The following GALR1 variants were observed in gnomAD, a reference collection of about 807,000 sequenced individuals.
GALR1 encodes the protein galanin receptor 1, also known as galanin receptor type 1.
In GALR1, 11 loss-of-function variants were observed where a neutral mutation model predicts 17.9. That is an observed-to-expected ratio of 0.62 (90% CI 0.39 to 1.02). The LOEUF is 1.02. GALR1 is among the 50% of genes least tolerant of loss of function. The pLI is 0.01. For missense variants in GALR1, 441 were observed against 456.9 expected, an observed-to-expected ratio of 0.97 and a Z score of 0.32; for synonymous variants, 206 against 205.7, an observed-to-expected ratio of 1.00 and a Z score of -0.01.
intron 2 of GALR1, among the ~76,000 whole-genome samples, chr18:77,262,584 G>A (rs994345728): frequency 6.6e-5 from 10 of 152,184 alleles, no homozygotes; most frequent in African/African-American, 2.2e-4. Context: ...GGTGCCCAGG[G>A]CCTGTTTGCA....
In GALR1 at chr18:77,268,542, GCCT is replaced by G. The variant is rs71876994; in HGVS notation, c.733-17_733-15del. 6.1e-3 allele frequency: 8,041 copies of G among 1,310,712 alleles called. 37 individuals carry two copies. The highest frequency in any genetic ancestry group is 0.027 in the African/African-American group (1,801 of 66,838). The allele number at this position is 1,310,712 out of a possible 1,614,324, so 81.2% of individuals were successfully genotyped here. A position where few individuals can be genotyped will look rare whatever the true frequency, so the allele number is the denominator to read the frequency against. ...TCCTTCCTTCTTCTTCTCCCTTACC[GCCT>G]CCTCCTCCTCCTCCTCCTCCTCCTC... is the stretch of plus-strand genomic sequence containing the variant. On this transcript the variant is annotated intron_variant, in intron 2 of 2. Coordinates refer to ENST00000299727, the MANE Select transcript of GALR1 (RefSeq NM_001480.4).
chr18:77,252,698 A>G (rs1912445776), intron 1 of GALR1, among the ~76,000 whole-genome samples: 1 of 151,944 alleles, frequency 6.6e-6, no homozygotes, highest in South Asian at 2.1e-4. Context: ...AAATACAAAT[A>G]TTAGCTGGGT....
At chr18:77,260,769 C>T (rs1191020124) in intron 2 of GALR1, among the ~76,000 whole-genome samples, 1 of 152,150 alleles carries the variant, frequency 6.6e-6, no homozygotes, top group African/African-American at 2.4e-5. Flanking sequence ...TTAAACTCTG[C>T]TAGACATAAA....
In GALR1 at chr18:77,251,078, TC is replaced by T. The variant is rs1248626014; in HGVS notation, c.532del (p.His178ThrfsTer54). 6.2e-7 allele frequency: 1 copy of T among 1,610,214 alleles called. No homozygotes were observed. The highest frequency in any genetic ancestry group is 2.2e-5 in the East Asian group (1 of 44,844). ...ASPVAYHQGL[F>X]HPRASNQTFC... The stretch of plus-strand genomic sequence containing the variant: ...CCCGTGGCCTACCACCAGGGCCTCT[TC>T]CACCCGCGCGCCAGCAACCAGACCT... On this transcript the variant is annotated frameshift_variant, in exon 1 of 3. Coordinates refer to ENST00000299727, the MANE Select transcript of GALR1 (RefSeq NM_001480.4). LOFTEE classifies it high-confidence loss of function.
intron 1 of GALR1, among the ~76,000 whole-genome samples, chr18:77,255,059 T>C (rs552737567): frequency 6.6e-6 from 1 of 152,338 alleles, no homozygotes; most frequent in East Asian, 1.9e-4. Flanking sequence ...TGCAATAAGT[T>C]CAATTCGATT....
intron 1 of GALR1, among the ~76,000 whole-genome samples, chr18:77,252,795 C>T (rs1175493212): frequency 1.3e-5 from 2 of 151,464 alleles, no homozygotes; most frequent in South Asian, 4.2e-4. Flanking sequence ...GTGCAGTGAG[C>T]CGAAATCGTG....
At position 77,271,262 on chromosome 18, in the gene GALR1, C is replaced by A. The variant is rs903322251; in HGVS notation, c.*2360C>A. On this transcript the variant is annotated 3_prime_UTR_variant, in exon 3 of 3. Transcript: ENST00000299727. ...GCGCTTGAAACCCCCCCCCCCCCGC[C>A]ACTTTGCTAAATGTAAATGCTAATT... The A allele has an allele frequency of 1.4e-5, 2 of 139,408 alleles. No homozygotes were observed. Among genetic ancestry groups the A allele is most frequent in the South Asian group, 2.5e-4 (1 of 4,014 alleles). 8.6% of individuals were successfully genotyped at this position (139,408 alleles called of 1,614,324 possible). A position where few individuals can be genotyped will look rare whatever the true frequency, so the allele number is the denominator to read the frequency against.
intron 2 of GALR1, among the ~76,000 whole-genome samples, chr18:77,260,758 C>T (rs1201928057): frequency 6.6e-6 from 1 of 152,212 alleles, no homozygotes; most frequent in Non-Finnish European, 1.5e-5. Context: ...ACATGCTTTT[C>T]TTAAACTCTG....
intron 2 of GALR1, among the ~76,000 whole-genome samples, chr18:77,259,355 TG>T (rs1323379412): frequency 1.5e-5 from 2 of 129,934 alleles, no homozygotes; most frequent in African/African-American, 6.2e-5. Flanking sequence ...TGGTGGTGGA[TG>T]GTGGTGGTGG....
intron 2 of GALR1, among the ~76,000 whole-genome samples, chr18:77,264,162 A>C (rs894955923): frequency 1.3e-3 from 180 of 139,720 alleles, no homozygotes; most frequent in Non-Finnish European, 2.1e-3. Context: ...AAAAAAAAAA[A>C]AAGAATCCTT....
intron 2 of GALR1, among the ~76,000 whole-genome samples, chr18:77,263,064 T>C (rs1346486380): frequency 6.6e-6 from 1 of 152,214 alleles, no homozygotes; most frequent in Non-Finnish European, 1.5e-5. Context: ...TTGTACTTAG[T>C]AAAATTGTCT....
At chr18:77,253,256 A>G (rs1912513214) in intron 1 of GALR1, among the ~76,000 whole-genome samples, 1 of 152,136 alleles carries the variant, frequency 6.6e-6, no homozygotes, top group Non-Finnish European at 1.5e-5. Flanking sequence ...GTATTTTATT[A>G]TTTAAGGAAA....
intron 1 of GALR1, among the ~76,000 whole-genome samples, chr18:77,254,303 T>G (rs1461520740): frequency 6.6e-6 from 1 of 152,198 alleles, no homozygotes; most frequent in Non-Finnish European, 1.5e-5. Context: ...AATATATCAT[T>G]CTGTGCTCAT....
In GALR1 at chr18:77,276,697, T is replaced by C. The variant is rs1021940486; in HGVS notation, c.*7795T>C. ...TTTTCAGAGCAGATAACCAATCAAA[T>C]TGAGCAGATGGTCTTTTAAAGTCTA... On this transcript the variant is annotated 3_prime_UTR_variant, in exon 3 of 3. Coordinates refer to ENST00000299727, the MANE Select transcript of GALR1 (RefSeq NM_001480.4). 1.1e-4 allele frequency: 17 copies of C among 152,324 alleles called. No homozygotes were observed. Among genetic ancestry groups the C allele is most frequent in the African/African-American group, 3.8e-4 (16 of 41,580 alleles). The allele number at this position is 152,324 out of a possible 1,614,324, so 9.4% of individuals were successfully genotyped here. A position where few individuals can be genotyped will look rare whatever the true frequency, so the allele number is the denominator to read the frequency against.
intron 2 of GALR1, 46 bp from the exon 3 acceptor site, chr18:77,268,539 A>ACCT: frequency 7.8e-7 from 1 of 1,275,478 alleles, no homozygotes; most frequent in Non-Finnish European, 1.1e-6. Context: ...CTTCTCCCTT[A>ACCT]CCGCCTCCTC....
At chr18:77,267,439 A>T (rs1190853427) in intron 2 of GALR1, among the ~76,000 whole-genome samples, 2 of 152,222 alleles carry the variant, frequency 1.3e-5, no homozygotes, top group Non-Finnish European at 2.9e-5. Context: ...CCTGTGGGTC[A>T]TGACAGCATC....
chr18:77,250,777 C>A lies in GALR1; in HGVS notation c.229C>A (p.Leu77Met), dbSNP rs1290353346. 6.2e-7 allele frequency: 1 copy of A among 1,613,910 alleles called. No individual in the cohort carries two copies. Among genetic ancestry groups the A allele is most frequent in the African/African-American group, 1.3e-5 (1 of 74,948 alleles). ...RSTTNLFILN[L>M]SIADLAYLLF... ...CACCACCAACCTGTTCATCCTCAAC[C>A]TGAGCATCGCCGACCTGGCCTACCT... The change falls in exon 1 of 3, where the codon CTG becomes ATG. Residue 77 changes from leucine to methionine, a missense_variant. By Grantham distance (15) the Leu-to-Met change is conservative. Transcript: ENST00000299727.
chr18:77,260,602 G>A (rs759276888), intron 2 of GALR1, among the ~76,000 whole-genome samples: 3 of 152,148 alleles, frequency 2.0e-5, no homozygotes, highest in Non-Finnish European at 2.9e-5. Context: ...GTCCATACGG[G>A]GCTTTCCTGT....
chr18:77,252,971 T>TCACCAC (rs1912492036), intron 1 of GALR1, among the ~76,000 whole-genome samples: 49 of 23,158 alleles, frequency 2.1e-3, no homozygotes, highest in South Asian at 3.9e-3. Context: ...ACCACCACCA[T>TCACCAC]CACCACCATC....
Sources: gnomAD v4.1 joint callset for allele counts (sites outside exome capture counted in the v4.1 genomes callset) on GRCh38, gnomAD v4.1.1 for gene constraint, MANE v1.5 for transcripts, NCBI Gene and HGNC (gene_info 2026-07-23, HGNC 2026-07-21) for gene names.